The following DACH1 variants were observed in gnomAD, a reference collection of about 807,000 sequenced individuals.
DACH1 encodes dachshund homolog 1.
A neutral mutation model predicts 54.2 loss-of-function variants in DACH1; 12 were observed. The ratio of observed to expected loss-of-function variants is 0.22; its 90% CI spans 0.14 to 0.36. The LOEUF is 0.36. Ranked by LOEUF, DACH1 falls within the 10% of genes least tolerant of loss-of-function variation. DACH1 has a pLI of 1.00. For missense variants in DACH1, 805 were observed against 929.8 expected (o/e 0.87, Z 1.75); for synonymous variants, 386 against 366.2 (o/e 1.05, Z -0.62).
intron 1 of DACH1, among the ~76,000 whole-genome samples, chr13:71,793,200 T>A (rs1298063426): frequency 1.3e-5 from 2 of 152,234 alleles, no homozygotes; most frequent in Admixed American, 1.3e-4. Flanking sequence ...TTAGCAGTTT[T>A]ACTTAAATGT....
chr13:71,714,837 T>C (rs1294611193), intron 1 of DACH1, among the ~76,000 whole-genome samples: 1 of 152,066 alleles, frequency 6.6e-6, no homozygotes, highest in African/African-American at 2.4e-5. Flanking sequence ...AAGAAGATCA[T>C]GAAGCCAAGA....
At chr13:71,779,204 T>TACACATATATAC (rs1886230392) in intron 1 of DACH1, among the ~76,000 whole-genome samples, 6 of 110,290 alleles carry the variant, frequency 5.4e-5, no homozygotes, top group Non-Finnish European at 9.0e-5. Context: ...TACGTATATA[T>TACACATATATAC]GTGTATATAT....
intron 5 of DACH1, among the ~76,000 whole-genome samples, chr13:71,558,571 TC>T (rs1884398456): frequency 6.6e-6 from 1 of 151,936 alleles, no homozygotes; most frequent in African/African-American, 2.4e-5. Context: ...AATGACAATA[TC>T]TTATAATGAA....
chr13:71,499,136 G>GACACACACAC lies in DACH1; in HGVS notation c.1571-9998_1571-9989dup, dbSNP rs3075798. 3.5e-3 allele frequency among the ~76,000 whole-genome samples: 528 copies of GACACACACAC among 149,292 alleles called. 2 individuals are homozygous for GACACACACAC. The highest frequency in any genetic ancestry group is 5.7e-3 in the Admixed American group (86 of 15,066). On this transcript the variant is annotated intron_variant, in intron 6 of 10. Coordinates refer to ENST00000613252, the MANE Select transcript of DACH1 (RefSeq NM_080759.6). ...GCACACACACACACACACACACGCA[G>GACACACACAC]ACACACACACACACACACACACTGA...
chr13:71,478,759 T>C (rs1877788138), intron 8 of DACH1, among the ~76,000 whole-genome samples: 1 of 152,184 alleles, frequency 6.6e-6, no homozygotes. Flanking sequence ...ATAAATATCT[T>C]AGTAAACCTG....
Position 71,588,369 on chromosome 13 carries a change from C to T in DACH1, c.1127-15357G>A, listed in dbSNP as rs554915160. On this transcript the variant is annotated intron_variant, in intron 3 of 10. Transcript: ENST00000613252. ...TTCTCTACTTTAGTTTGTACAATTA[C>T]TAATAAAAACAAAGTTTGACCACAC... 3.3e-5 allele frequency among the ~76,000 whole-genome samples: 5 copies of T among 152,116 alleles called. No individual in the cohort carries two copies. In the East Asian group the frequency reaches 9.7e-4, roughly 29 times the overall value.
intron 1 of DACH1, among the ~76,000 whole-genome samples, chr13:71,783,789 A>G (rs1209627399): frequency 6.6e-6 from 1 of 152,006 alleles, no homozygotes; most frequent in African/African-American, 2.4e-5. Context: ...CATTTAAAGA[A>G]TGAATGGAAA....
At chr13:71,554,101 G>A (rs1049737743) in intron 6 of DACH1, among the ~76,000 whole-genome samples, 1 of 151,936 alleles carries the variant, frequency 6.6e-6, no homozygotes, top group African/African-American at 2.4e-5. Flanking sequence ...TTGTAGGAAA[G>A]TTACAGGGAT....
At chr13:71,612,035 A>G (rs1393139504) in intron 3 of DACH1, among the ~76,000 whole-genome samples, 1 of 152,146 alleles carries the variant, frequency 6.6e-6, no homozygotes, top group East Asian at 1.9e-4. Flanking sequence ...TAACATCACA[A>G]AAGATATTTT....
chr13:71,771,692 A>G (rs1314872584), intron 1 of DACH1, among the ~76,000 whole-genome samples: 4 of 151,534 alleles, frequency 2.6e-5, no homozygotes, highest in African/African-American at 7.2e-5. Flanking sequence ...TAAATGTTAA[A>G]CATTTTTATG....
intron 1 of DACH1, among the ~76,000 whole-genome samples, chr13:71,735,724 C>T (rs529692253): frequency 7.9e-5 from 12 of 151,940 alleles, no homozygotes; most frequent in African/African-American, 2.9e-4. Flanking sequence ...CTTCACCAAA[C>T]ATTTCTCTTA....
chr13:71,617,922 G>A lies in DACH1; in HGVS notation c.1126+12634C>T, dbSNP rs145400333. On this transcript the variant is annotated intron_variant, in intron 3 of 10. Coordinates refer to ENST00000613252, the MANE Select transcript of DACH1 (RefSeq NM_080759.6). ...AGTAGCCTTTTAAAATAATTTCTGCGTTCAATGTTACTTGTTTTGGTCTGC... is the reference window on the plus strand; with the variant it reads ...AGTAGCCTTTTAAAATAATTTCTGCATTCAATGTTACTTGTTTTGGTCTGC... 5.1e-3 allele frequency among the ~76,000 whole-genome samples: 777 copies of A among 152,022 alleles called. 6 individuals are homozygous for A. Among genetic ancestry groups the A allele is most frequent in the African/African-American group, 0.016 (658 of 41,470 alleles).
intron 1 of DACH1, among the ~76,000 whole-genome samples, chr13:71,806,182 G>A (rs1204577366): frequency 5.9e-5 from 9 of 152,104 alleles, no homozygotes; most frequent in Non-Finnish European, 1.3e-4. Flanking sequence ...ATTTCCTAAA[G>A]AGATATATTC....
chr13:71,759,481 A>C (rs1885310392), intron 1 of DACH1, among the ~76,000 whole-genome samples: 1 of 152,236 alleles, frequency 6.6e-6, no homozygotes, highest in Non-Finnish European at 1.5e-5. Context: ...TAAATATTAA[A>C]GTAAACAATT....
intron 10 of DACH1, among the ~76,000 whole-genome samples, chr13:71,448,290 C>T (rs1241518328): frequency 6.6e-6 from 1 of 152,118 alleles, no homozygotes; most frequent in Non-Finnish European, 1.5e-5. Context: ...CTTAAAGAAT[C>T]TGAGGTTAAT....
intron 1 of DACH1, among the ~76,000 whole-genome samples, chr13:71,770,347 G>A (rs1245719737): frequency 2.6e-5 from 4 of 151,506 alleles, no homozygotes; most frequent in Admixed American, 2.0e-4. Context: ...TAAGTTAACG[G>A]TATTTAAAAT....
chr13:71,519,262 T>G (rs1881391939), intron 6 of DACH1, among the ~76,000 whole-genome samples: 1 of 151,856 alleles, frequency 6.6e-6, no homozygotes, highest in Non-Finnish European at 1.5e-5. Context: ...CTGATAGCAT[T>G]ATTTCAATTA....
intron 1 of DACH1, among the ~76,000 whole-genome samples, chr13:71,731,888 C>A (rs538201166): frequency 1.3e-5 from 2 of 152,284 alleles, no homozygotes; most frequent in East Asian, 3.9e-4. Context: ...CTTCTGAGAT[C>A]ATTTCAATAC....
At chr13:71,752,613 T>G (rs974302264) in intron 1 of DACH1, among the ~76,000 whole-genome samples, 2 of 152,224 alleles carry the variant, frequency 1.3e-5, no homozygotes, top group East Asian at 3.9e-4. Context: ...TTTAACACTC[T>G]TTAGTAGATA....
Sources: allele counts gnomAD v4.1 joint callset (sites outside exome capture counted in the v4.1 genomes callset), GRCh38; gene constraint gnomAD v4.1.1; transcripts MANE v1.5; gene names NCBI Gene and HGNC (gene_info 2026-07-23, HGNC 2026-07-21).